RIPK2: variants seen among roughly 807,000 people sequenced by gnomAD.
RIPK2 encodes receptor-interacting serine/threonine-protein kinase 2.
Under a neutral mutation model 60.9 loss-of-function variants are expected in RIPK2, and 38 were observed. That is an observed-to-expected ratio of 0.62 (90% CI 0.48 to 0.82). The LOEUF is 0.82. Ranked by LOEUF, RIPK2 falls within the 40% of genes least tolerant of loss-of-function variation. The pLI is 0.00. For missense variants in RIPK2, 518 were observed against 647.0 expected (o/e 0.80, Z 2.16); for synonymous variants, 225 against 223.4 (o/e 1.01, Z -0.06).
Position 89,757,816 on chromosome 8 carries a change from C to G in RIPK2, c.-245C>G, listed in dbSNP as rs576717338. On this transcript the variant is annotated 5_prime_UTR_variant, in exon 1 of 11. Coordinates refer to ENST00000220751, the MANE Select transcript of RIPK2 (RefSeq NM_003821.6). ...GGCCGGGGCTGCGAGAGAGGAAGCT[C>G]TTTCGCGGCGCTACGGCGTTGGCAC... 7.0e-5 allele frequency: 87 copies of G among 1,250,074 alleles called. No individual in the cohort carries two copies. Among genetic ancestry groups the G allele is most frequent in the Non-Finnish European group, 8.6e-5 (86 of 995,328 alleles). 77.4% of individuals were successfully genotyped at this position (1,250,074 alleles called of 1,614,324 possible).
At chr8:89,786,455 C>G (rs1394785691) in intron 8 of RIPK2, 138 bp from the exon 9 acceptor site, 7 of 590,278 alleles carry the variant, frequency 1.2e-5, no homozygotes, top group Non-Finnish European at 2.1e-5. Flanking sequence ...GACTGGGCAA[C>G]AGAGTGAGAC....
At chr8:89,765,543 TA>T in intron 3 of RIPK2, 47 bp downstream of exon 3, 1 of 1,301,574 alleles carries the variant, frequency 7.7e-7, no homozygotes, top group Admixed American at 2.1e-5. Context: ...CTTATAGTTT[TA>T]AAAATACTTT....
intron 9 of RIPK2, among the ~76,000 whole-genome samples, 176 bp downstream of exon 9, chr8:89,786,862 T>C (rs1340743420): frequency 1.3e-5 from 2 of 151,794 alleles, no homozygotes; most frequent in African/African-American, 4.8e-5. Context: ...CAAATACATT[T>C]AAGTTTTAAG....
intron 6 of RIPK2, among the ~76,000 whole-genome samples, chr8:89,776,323 G>A (rs998673572): frequency 6.6e-6 from 1 of 152,150 alleles, no homozygotes; most frequent in Non-Finnish European, 1.5e-5. Context: ...CCAACAGTAC[G>A]AGATAATTAT....
chr8:89,778,953 G>A (rs1047023379), intron 6 of RIPK2, among the ~76,000 whole-genome samples: 3 of 152,056 alleles, frequency 2.0e-5, no homozygotes, highest in African/African-American at 4.8e-5. Context: ...TTTTCTCCAC[G>A]TCACTGTCAA....
At chr8:89,765,551 C>A (rs1348244566) in intron 3 of RIPK2, 55 bp downstream of exon 3, 1 of 1,240,432 alleles carries the variant, frequency 8.1e-7, no homozygotes, top group Non-Finnish European at 1.1e-6. Flanking sequence ...TTTAAAAATA[C>A]TTTTTAGTTA....
rs151303469 is a variant in RIPK2, at chr8:89,790,169, C to T, written c.1376C>T (p.Ser459Leu). ...ATGACAGAAGCCTGCCTTAACCAGT[C>T]GCTAGATGCCCTTCTGTCCAGGGAC... is the stretch of plus-strand genomic sequence containing the variant. ...NQMTEACLNQ[S>L]LDALLSRDLI... is the part of the protein sequence containing the mutation. Residue 459 changes from serine to leucine, a missense_variant, in exon 11 of 11, where the codon TCG becomes TTG. Coordinates refer to ENST00000220751, the MANE Select transcript of RIPK2 (RefSeq NM_003821.6). 1.3e-5 allele frequency: 21 copies of T among 1,613,906 alleles called. No individual in the cohort carries two copies. The Admixed American group carries it at 2.2e-4, about 17-fold the overall frequency.
intron 9 of RIPK2, among the ~76,000 whole-genome samples, chr8:89,788,790 GAGAC>G (rs1242978726): frequency 2.6e-5 from 4 of 151,464 alleles, no homozygotes; most frequent in South Asian, 4.2e-4. Flanking sequence ...GAAAGAGAGA[GAGAC>G]AGAGAGAGAG....
At chr8:89,771,841 ACT>A in intron 5 of RIPK2, 51 bp downstream of exon 5, 2 of 1,070,900 alleles carry the variant, frequency 1.9e-6, no homozygotes, top group Non-Finnish European at 2.9e-6. Flanking sequence ...TTAGTAGGTC[ACT>A]CTCAGAACTA....
chr8:89,785,102 A>T (rs2130585070), intron 8 of RIPK2, among the ~76,000 whole-genome samples: 1 of 152,284 alleles, frequency 6.6e-6, no homozygotes, highest in African/African-American at 2.4e-5. Flanking sequence ...ATCAAATTTC[A>T]ATGTGAGATT....
rs200218081 is a variant in RIPK2 at position 89,786,689 on chromosome 8, A to G, written c.1123+3A>G. On this transcript the variant is annotated splice_donor_region_variant and intron_variant, in intron 9 of 10. Transcript: ENST00000220751. The stretch of plus-strand genomic sequence containing the variant: ...TCAAGACAATGATTTTTTATCTAGT[A>G]TGTAGATTTTCCAATCATTATTTAC... 2.7e-6 allele frequency: 4 copies of G among 1,485,888 alleles called. No individual in the cohort carries two copies. The highest frequency in any genetic ancestry group is 1.9e-5 in the Admixed American group (1 of 51,350). The allele number at this position is 1,485,888 out of a possible 1,614,324, so 92.0% of individuals were successfully genotyped here.
chr8:89,779,310 G>GGTTTTTTTTTTTTTTTTTTTTT (rs1586128992), intron 6 of RIPK2, among the ~76,000 whole-genome samples: 1 of 79,094 alleles, frequency 1.3e-5, no homozygotes, highest in African/African-American at 5.8e-5. Context: ...CGGTTTTTGG[G>GGTTTTTTTTTTTTTTTTTTTTT]TTTTTTTTTT....
intron 2 of RIPK2, among the ~76,000 whole-genome samples, chr8:89,763,696 A>T (rs528022222): frequency 2.8e-4 from 43 of 152,292 alleles, no homozygotes; most frequent in African/African-American, 9.9e-4. Flanking sequence ...TGATAGTGTA[A>T]CACAATGCCC....
intron 8 of RIPK2, 107 bp from the exon 9 acceptor site, chr8:89,786,486 T>C: frequency 1.4e-6 from 1 of 717,902 alleles, no homozygotes; most frequent in Non-Finnish European, 2.3e-6. Context: ...AAAAAAAAAT[T>C]AGTAGTTTTT....
At chr8:89,788,585 T>G (rs1015325710) in intron 9 of RIPK2, among the ~76,000 whole-genome samples, 1 of 152,084 alleles carries the variant, frequency 6.6e-6, no homozygotes, top group African/African-American at 2.4e-5. Flanking sequence ...AAGACCAGCC[T>G]GGCCAACATG....
intron 9 of RIPK2, 60 bp from the exon 10 acceptor site, chr8:89,789,261 T>A: frequency 6.9e-7 from 1 of 1,447,392 alleles, no homozygotes; most frequent in Admixed American, 1.8e-5. Flanking sequence ...TGTTGACATG[T>A]TAGCCAATAG....
At position 89,766,615 on chromosome 8, in the gene RIPK2, A is replaced by G. The variant is rs114242782; in HGVS notation, c.483+1119A>G. On this transcript the variant is annotated intron_variant, in intron 3 of 10. Transcript: ENST00000220751. ...TTATAGTTTATCTTTTCATCCTTTT[A>G]ACAGGGACTTTCACAAAGCAAAATG... Among the ~76,000 whole-genome samples the G allele has an allele frequency of 5.3e-3, 797 of 151,466 alleles. 4 individuals are homozygous for G. Among genetic ancestry groups the G allele is most frequent in the African/African-American group, 0.019 (770 of 41,378 alleles).
At chr8:89,777,319 G>A (rs138784633) in intron 6 of RIPK2, among the ~76,000 whole-genome samples, 23 of 152,294 alleles carry the variant, frequency 1.5e-4, no homozygotes, top group Admixed American at 5.2e-4. Flanking sequence ...AAGAAATTAC[G>A]ATTTGGAAAT....
chr8:89,758,632 T>C (rs1441758406), intron 1 of RIPK2, among the ~76,000 whole-genome samples: 1 of 152,174 alleles, frequency 6.6e-6, no homozygotes, highest in Non-Finnish European at 1.5e-5. Flanking sequence ...TTTCCTTATT[T>C]TTGAAATTGG....
Sources: allele counts gnomAD v4.1 joint callset (sites outside exome capture counted in the v4.1 genomes callset), GRCh38; gene constraint gnomAD v4.1.1; transcripts MANE v1.5; gene names NCBI Gene and HGNC (gene_info 2026-07-23, HGNC 2026-07-21).